Variants in IQCJ observed in about 807,000 individuals in gnomAD.
IQCJ encodes the protein IQ domain-containing protein J.
IQCJ carries 9 observed loss-of-function variants against 11.0 expected under a neutral mutation model. The observed-to-expected ratio is 0.82, with a 90% CI of 0.49 to 1.43. IQCJ has a LOEUF of 1.43. Among genes scored for constraint, IQCJ ranks in the 40% most tolerant of loss-of-function variants. The probability of loss-of-function intolerance (pLI) is 0.00; values close to 1 mark genes in which losing one functional copy is unlikely to be tolerated. For missense variants in IQCJ, 146 were observed against 133.2 expected (o/e 1.10, Z -0.47); for synonymous variants, 55 against 51.3 (o/e 1.07, Z -0.31).
At chr3:159,112,382 C>T (rs970250709) in intron 1 of IQCJ, among the ~76,000 whole-genome samples, 1 of 152,214 alleles carries the variant, frequency 6.6e-6, no homozygotes, top group East Asian at 1.9e-4. Flanking sequence ...TGAGTACATT[C>T]AATCAGTTTT....
chr3:159,189,016 TA>T (rs1477532560), intron 1 of IQCJ, among the ~76,000 whole-genome samples: 1 of 152,174 alleles, frequency 6.6e-6, no homozygotes, highest in Non-Finnish European at 1.5e-5. Context: ...GGAGAGGGAA[TA>T]TTGTATTTAG....
At chr3:159,215,361 C>T (rs1393525274) in intron 1 of IQCJ, among the ~76,000 whole-genome samples, 1 of 152,140 alleles carries the variant, frequency 6.6e-6, no homozygotes, top group Non-Finnish European at 1.5e-5. Flanking sequence ...ATGACCTGCT[C>T]AGGTGAAGGT....
intron 1 of IQCJ, among the ~76,000 whole-genome samples, chr3:159,140,423 T>G (rs1001946585): frequency 6.6e-6 from 1 of 152,170 alleles, no homozygotes; most frequent in Admixed American, 6.5e-5. Context: ...AGAGGATGTG[T>G]GTTCAGGTCT....
intron 1 of IQCJ, among the ~76,000 whole-genome samples, chr3:159,191,707 C>G (rs1407291081): frequency 6.6e-6 from 1 of 152,192 alleles, no homozygotes; most frequent in Non-Finnish European, 1.5e-5. Context: ...CAAAGCCTGA[C>G]AGCATCCCCC....
In IQCJ at chr3:159,083,800, A is replaced by C. The variant is rs556198534; in HGVS notation, c.9+14359A>C. On this transcript the variant is annotated intron_variant, in intron 1 of 3. Coordinates refer to ENST00000397832, the MANE Select transcript of IQCJ (RefSeq NM_001042706.3). ...GGTATTCTCCACTGAGTGAAGAAAAACAGTATCAAAAAATTATATATTGTA... is the reference window on the plus strand; with the variant it reads ...GGTATTCTCCACTGAGTGAAGAAAACCAGTATCAAAAAATTATATATTGTA... Among the ~76,000 whole-genome samples, 7 of 152,254 alleles carry C rather than the reference A, an allele frequency of 4.6e-5. No homozygotes were observed. In the East Asian group the frequency reaches 1.3e-3, roughly 29 times the overall value.
intron 1 of IQCJ, among the ~76,000 whole-genome samples, chr3:159,176,924 G>A (rs1722828765): frequency 6.6e-6 from 1 of 152,124 alleles, no homozygotes; most frequent in Non-Finnish European, 1.5e-5. Context: ...AAATATATGA[G>A]ATTCAACTGT....
intron 1 of IQCJ, among the ~76,000 whole-genome samples, chr3:159,077,255 C>T (rs1715985698): frequency 6.6e-6 from 1 of 152,084 alleles, no homozygotes; most frequent in Non-Finnish European, 1.5e-5. Flanking sequence ...GGGGGAAAAG[C>T]AAATTAGTAC....
At chr3:159,255,018 A>G (rs1200360083) in intron 3 of IQCJ, among the ~76,000 whole-genome samples, 1 of 152,222 alleles carries the variant, frequency 6.6e-6, no homozygotes, top group Non-Finnish European at 1.5e-5. Flanking sequence ...GGCATCTTCA[A>G]CAGGGACAAT....
Position 159,069,320 on chromosome 3 carries a change from C to T in IQCJ, c.-113C>T. 1.4e-6 allele frequency: 2 copies of T among 1,426,490 alleles called. No homozygotes were observed. Among genetic ancestry groups the T allele is most frequent in the South Asian group, 3.4e-5 (2 of 58,400 alleles). 88.4% of individuals were successfully genotyped at this position (1,426,490 alleles called of 1,614,324 possible). A position where few individuals can be genotyped will look rare whatever the true frequency, so the allele number is the denominator to read the frequency against. On this transcript the variant is annotated 5_prime_UTR_variant, in exon 1 of 4. Transcript: ENST00000397832. ...CTCAACTCAAAGGTTTCCAGCCTCA[C>T]ACTCGCCTCACATTCCCCCACAGTC...
At chr3:159,086,030 T>G (rs547790501) in intron 1 of IQCJ, among the ~76,000 whole-genome samples, 24 of 152,332 alleles carry the variant, frequency 1.6e-4, no homozygotes, top group African/African-American at 5.3e-4. Context: ...GGTTTTCTTC[T>G]AGGGTTTTTA....
intron 1 of IQCJ, among the ~76,000 whole-genome samples, chr3:159,087,254 C>T (rs1234276909): frequency 2.0e-5 from 3 of 151,800 alleles, no homozygotes; most frequent in African/African-American, 7.3e-5. Flanking sequence ...AGCCTTGCAT[C>T]CCAGGGATGA....
intron 1 of IQCJ, among the ~76,000 whole-genome samples, chr3:159,180,229 T>C (rs1164472126): frequency 2.0e-5 from 3 of 152,192 alleles, no homozygotes; most frequent in Non-Finnish European, 4.4e-5. Flanking sequence ...AAATTTTGGC[T>C]CTTGAGGTTT....
intron 3 of IQCJ, among the ~76,000 whole-genome samples, chr3:159,260,499 C>A (rs1392767326): frequency 6.6e-6 from 1 of 152,122 alleles, no homozygotes. Context: ...CTTCAAGCAG[C>A]AGAATTTGTT....
chr3:159,088,607 A>G (rs1436708859), intron 1 of IQCJ, among the ~76,000 whole-genome samples: 1 of 152,138 alleles, frequency 6.6e-6, no homozygotes, highest in Non-Finnish European at 1.5e-5. Context: ...GTGCTCCTGT[A>G]TTGGGTGCAT....
intron 1 of IQCJ, among the ~76,000 whole-genome samples, chr3:159,190,672 C>A (rs1295875700): frequency 6.6e-6 from 1 of 152,192 alleles, no homozygotes; most frequent in African/African-American, 2.4e-5. Context: ...ATCCTGGGGT[C>A]ATTAAGGATG....
At chr3:159,207,529 G>T (rs772136036) in intron 1 of IQCJ, among the ~76,000 whole-genome samples, 1 of 152,000 alleles carries the variant, frequency 6.6e-6, no homozygotes, top group Non-Finnish European at 1.5e-5. Context: ...AAAAATAGAT[G>T]ACTTTGAAAC....
At chr3:159,258,382 C>G (rs1728017193) in intron 3 of IQCJ, among the ~76,000 whole-genome samples, 1 of 152,140 alleles carries the variant, frequency 6.6e-6, no homozygotes, top group Admixed American at 6.5e-5. Flanking sequence ...AATGGACCAC[C>G]CTCTACAGTG....
chr3:159,151,003 T>A (rs889317668), intron 1 of IQCJ, among the ~76,000 whole-genome samples: 1 of 152,218 alleles, frequency 6.6e-6, no homozygotes, highest in African/African-American at 2.4e-5. Context: ...AGGTAGCCAA[T>A]GTTGGGAGTT....
At chr3:159,122,862 T>C (rs1719457735) in intron 1 of IQCJ, among the ~76,000 whole-genome samples, 3 of 152,234 alleles carry the variant, frequency 2.0e-5, no homozygotes, top group Non-Finnish European at 4.4e-5. Flanking sequence ...TCTGTTCATC[T>C]TTCTGCATTT....
Sources: gnomAD v4.1 joint callset for allele counts (sites outside exome capture counted in the v4.1 genomes callset) on GRCh38, gnomAD v4.1.1 for gene constraint, MANE v1.5 for transcripts, NCBI Gene and HGNC (gene_info 2026-07-23, HGNC 2026-07-21) for gene names.